The following CBARP variants were observed in gnomAD, a reference collection of about 807,000 sequenced individuals.
CBARP encodes the protein CACN subunit beta associated regulatory protein.
A neutral mutation model predicts 36.3 loss-of-function variants in CBARP; 24 were observed. That is an observed-to-expected ratio of 0.66 (90% CI 0.48 to 0.93). The LOEUF (loss-of-function observed/expected upper bound fraction) is 0.93, where lower values mean the gene tolerates loss of function less well. Ranked by LOEUF, CBARP falls within the 40% of genes least tolerant of loss-of-function variation. The pLI, the probability that CBARP is intolerant of heterozygous loss-of-function variation, is 0.00. For missense variants in CBARP, 1,146 were observed against 980.4 expected (o/e 1.17, Z -2.26); for synonymous variants, 586 against 453.2 (o/e 1.29, Z -3.72).
chr19:1,234,774 C>T lies in CBARP; in HGVS notation c.456-32G>A. ...CAGCATCTGGCCATCAGAGCCCGCCCACCTCCCATGCCCGATGCCCCAGCT... is the reference window on the plus strand; with the variant it reads ...CAGCATCTGGCCATCAGAGCCCGCCTACCTCCCATGCCCGATGCCCCAGCT... On this transcript the variant is annotated intron_variant, in intron 5 of 9. Transcript: ENST00000650044. 4 of 1,599,990 alleles carry T rather than the reference C, an allele frequency of 2.5e-6. No individual in the cohort carries two copies. In the South Asian group the frequency reaches 4.5e-5, roughly 18 times the overall value.
Position 1,234,648 on chromosome 19 carries a change from A to C in CBARP, c.550T>G (p.Cys184Gly). The stretch of plus-strand genomic sequence containing the variant: ...GCTGAGCTGGCCTCGCCTGAGTCAC[A>C]CTCGTGGATGGTGACAATCTTGAGG... ...PPLKIVTIHE[C>G]DSGEASSATT... The change falls in exon 6 of 10, where the codon TGT (cysteine) becomes GGT (glycine). Residue 184 changes from cysteine (C) to glycine (G), a missense_variant. Coordinates refer to ENST00000650044, the MANE Select transcript of CBARP (RefSeq NM_001393918.1). The C allele has an allele frequency of 6.2e-7, 1 of 1,611,416 alleles. No homozygotes were observed. Among genetic ancestry groups the C allele is most frequent in the Non-Finnish European group, 8.5e-7 (1 of 1,179,274 alleles).
chr19:1,235,123 G>A lies in CBARP; in HGVS notation c.333C>T (p.Asp111=). The A allele has an allele frequency of 1.9e-6, 3 of 1,597,314 alleles. No individual in the cohort carries two copies. Among genetic ancestry groups the A allele is most frequent in the East Asian group, 2.3e-5 (1 of 44,026 alleles). ...PAQDPDFRGE[D]PECQDAETER... The stretch of plus-strand genomic sequence containing the variant: ...CGGTCTCCGCATCCTGGCACTCGGG[G>A]TCCTCTCCCCGGAAGTCGGGGTCTG... Residue 111 remains aspartate, a synonymous_variant, in exon 5 of 10, where the codon GAC becomes GAT. Transcript: ENST00000650044.
chr19:1,236,242 G>A (rs770250905), intron 1 of CBARP, 121 bp from the exon 2 acceptor site: 305 of 1,294,478 alleles, frequency 2.4e-4, no homozygotes, highest in Non-Finnish European at 2.9e-4. Flanking sequence ...GACTCATGGA[G>A]AGGTAGCAGA....
rs1323452825 is a variant in CBARP at position 1,236,044 on chromosome 19, GGCA to G, written c.54_56del (p.Ala19del). ...CCCACGACGTCGTCAGGGCTACTGT[GGCA>G]GTGGTGGTGGTGGTGGTGGTGGCGG... On this transcript the variant is annotated inframe_deletion, in exon 2 of 10. Coordinates refer to ENST00000650044, the MANE Select transcript of CBARP (RefSeq NM_001393918.1). 3 of 1,533,622 alleles carry G rather than the reference GGCA, an allele frequency of 2.0e-6. No homozygotes were observed. The highest frequency in any genetic ancestry group is 1.4e-5 in the African/African-American group (1 of 72,538).
Position 1,231,254 on chromosome 19 carries a change from A to C in CBARP, c.1001T>G (p.Phe334Cys). Reference sequence around the variant, plus strand: ...CTCACTGGCTGCCCGCTGCCGCTGGAAGTGGTGCCGCTTGGGGGAACCTGC... The same window carrying C: ...CTCACTGGCTGCCCGCTGCCGCTGGCAGTGGTGCCGCTTGGGGGAACCTGC... ...DTRGSPKRHH[F>C]QRQRAASEST... The change falls in exon 9 of 10, where the codon TTC (phenylalanine) becomes TGC (cysteine). Residue 334 changes from phenylalanine (F) to cysteine (C), a missense_variant. Physicochemically the swap from Phe to Cys is radical, Grantham distance 205. Transcript: ENST00000650044. The C allele has an allele frequency of 6.2e-7, 1 of 1,601,402 alleles. No homozygotes were observed. Among genetic ancestry groups the C allele is most frequent in the African/African-American group, 1.3e-5 (1 of 74,984 alleles).
Position 1,233,627 on chromosome 19 carries a change from C to T in CBARP, c.778G>A (p.Gly260Ser), listed in dbSNP as rs749145128. 14 of 1,608,012 alleles carry T rather than the reference C, an allele frequency of 8.7e-6. No homozygotes were observed. The highest frequency in any genetic ancestry group is 2.2e-5 in the East Asian group (1 of 44,778). Residue 260 changes from glycine (G) to serine (S), a missense_variant, in exon 8 of 10, where the codon GGT (glycine) becomes AGT (serine). Physicochemically the swap from Gly to Ser is moderately conservative, Grantham distance 56. Coordinates refer to ENST00000650044, the MANE Select transcript of CBARP (RefSeq NM_001393918.1). ...CCTCCAGCCTTGGTGCTCCTGGTAC[C>T]GGCATCCAACTGGCAGGGAACAGAG... is the stretch of plus-strand genomic sequence containing the variant. ...DSGEGTSLDAGTRSTKAGGPG... is the reference protein window; with the variant it reads ...DSGEGTSLDASTRSTKAGGPG...
intron 4 of CBARP, 76 bp from the exon 5 acceptor site, chr19:1,235,221 C>T (rs965295131): frequency 5.1e-5 from 70 of 1,363,908 alleles, no homozygotes; most frequent in East Asian, 1.5e-4. Flanking sequence ...GCTGCTCCTC[C>T]GGGCGGCCAC....
At chr19:1,231,963 C>T (rs993217369) in intron 8 of CBARP, among the ~76,000 whole-genome samples, 2 of 152,254 alleles carry the variant, frequency 1.3e-5, no homozygotes, top group Admixed American at 1.3e-4. Flanking sequence ...GTGGCCTGCA[C>T]AGCCTGGCTG....
Position 1,234,739 on chromosome 19 carries a change from GTACCT to G in CBARP, c.456-2_458del. On this transcript the variant is annotated splice_acceptor_variant and coding_sequence_variant, in exon 6 of 10. Coordinates refer to ENST00000650044, the MANE Select transcript of CBARP (RefSeq NM_001393918.1). LOFTEE classifies it high-confidence loss of function. ...GGTGGAAGTCCCCCTCCGTCAGTGT[GTACCT>G]GCGACAGCATCTGGCCATCAGAGCC... 1 of 1,612,368 alleles carries G rather than the reference GTACCT, an allele frequency of 6.2e-7. No homozygotes were observed. Among genetic ancestry groups the G allele is most frequent in the Non-Finnish European group, 8.5e-7 (1 of 1,179,524 alleles).
chr19:1,235,261 C>T (rs1212486748), intron 4 of CBARP, 116 bp from the exon 5 acceptor site: 7 of 1,223,340 alleles, frequency 5.7e-6, no homozygotes, highest in South Asian at 2.1e-5. Flanking sequence ...GCGGCACGGG[C>T]GGCCGGGCTG....
chr19:1,236,117 G>A lies in CBARP; in HGVS notation c.-17C>T, dbSNP rs748428850. The A allele has an allele frequency of 2.2e-4, 312 of 1,425,718 alleles. No homozygotes were observed. The highest frequency in any genetic ancestry group is 2.8e-4 in the Non-Finnish European group (308 of 1,093,544). 88.3% of individuals were successfully genotyped at this position (1,425,718 alleles called of 1,614,324 possible). On this transcript the variant is annotated 5_prime_UTR_variant, in exon 2 of 10. Transcript: ENST00000650044. ...GGGCTGCATTCTGAACTGGGGAGGA[G>A]GGCCCTGTGGGGAGGAAGCCTGGTC...
chr19:1,231,941 C>T (rs114062536), intron 8 of CBARP, among the ~76,000 whole-genome samples: 237 of 152,210 alleles, frequency 1.6e-3, no homozygotes, highest in African/African-American at 5.5e-3. Flanking sequence ...AAGGGCGTGT[C>T]CTGGACACCT....
Position 1,234,990 on chromosome 19 carries a change from G to T in CBARP, c.455+11C>A. 2 of 1,595,008 alleles carry T rather than the reference G, an allele frequency of 1.3e-6. No individual in the cohort carries two copies. The highest frequency in any genetic ancestry group is 8.6e-7 in the Non-Finnish European group (1 of 1,168,654). ...AGGCCCTGGGGTGCCTCCCAACGCC[G>T]CCCCGCTTACCGGCGACCCTTGTCC... On this transcript the variant is annotated intron_variant, in intron 5 of 9. Coordinates refer to ENST00000650044, the MANE Select transcript of CBARP (RefSeq NM_001393918.1).
chr19:1,235,320 C>T, intron 4 of CBARP, 175 bp from the exon 5 acceptor site: 1 of 1,046,732 alleles, frequency 9.6e-7, no homozygotes. Flanking sequence ...ACTCGCTCAG[C>T]ACGCGCCTGG....
At chr19:1,236,873 G>C (rs1440978185) in intron 1 of CBARP, among the ~76,000 whole-genome samples, 1 of 148,168 alleles carries the variant, frequency 6.7e-6, no homozygotes, top group Admixed American at 6.7e-5. Flanking sequence ...GCGGCCTCGG[G>C]GGGGCGGGCG....
chr19:1,231,183 G>C lies in CBARP; in HGVS notation c.1072C>G (p.Gln358Glu). ...GCGTCGCCCGCCCGGGCAATGTACTGGATGAAGTCCTCCTGGGGGGCATCC... is the reference window on the plus strand; with the variant it reads ...GCGTCGCCCGCCCGGGCAATGTACTCGATGAAGTCCTCCTGGGGGGCATCC... ...EGDAPQEDFIQYIARAGDAVA... is the reference protein window; with the variant it reads ...EGDAPQEDFIEYIARAGDAVA... Residue 358 changes from glutamine to glutamate, a missense_variant, in exon 9 of 10, where the codon CAG becomes GAG. Physicochemically the swap from Gln to Glu is conservative, Grantham distance 29 (BLOSUM62 2). Coordinates refer to ENST00000650044, the MANE Select transcript of CBARP (RefSeq NM_001393918.1). 8 of 1,604,150 alleles carry C rather than the reference G, an allele frequency of 5.0e-6. No homozygotes were observed. The highest frequency in any genetic ancestry group is 1.7e-5 in the Admixed American group (1 of 59,884).
intron 9 of CBARP, chr19:1,230,594 A>C: frequency 2.5e-6 from 3 of 1,185,348 alleles, no homozygotes; most frequent in Non-Finnish European, 3.1e-6. Flanking sequence ...GTCACCCGCC[A>C]TACCAGGGCT....
intron 7 of CBARP, 49 bp downstream of exon 7, chr19:1,234,142 G>T: frequency 6.9e-7 from 1 of 1,441,228 alleles, no homozygotes; most frequent in East Asian, 2.6e-5. Flanking sequence ...GGGAGGGGAA[G>T]GAGCCTCCCC....
intron 8 of CBARP, 31 bp from the exon 9 acceptor site, chr19:1,231,306 C>G (rs368262576): frequency 1.9e-6 from 3 of 1,587,732 alleles, no homozygotes; most frequent in Admixed American, 1.7e-5. Context: ...AAGCGTCAGC[C>G]GGCATGTGCC....
Sources: allele counts gnomAD v4.1 joint callset (sites outside exome capture counted in the v4.1 genomes callset), GRCh38; gene constraint gnomAD v4.1.1; transcripts MANE v1.5; gene names NCBI Gene and HGNC (gene_info 2026-07-23, HGNC 2026-07-21).